RCL1: variants seen among roughly 807,000 people sequenced by gnomAD.
RCL1 encodes the protein RNA terminal phosphate cyclase like 1, also known as RNA 3'-terminal phosphate cyclase-like protein.
A neutral mutation model predicts 42.4 loss-of-function variants in RCL1; 24 were observed. The observed-to-expected ratio is 0.57, with a 90% CI of 0.41 to 0.80. The LOEUF (loss-of-function observed/expected upper bound fraction) is 0.80, where lower values mean the gene tolerates loss of function less well. Among genes scored for constraint, RCL1 ranks in the 30% least tolerant of loss-of-function variants. RCL1 has a pLI of 0.00. For missense variants in RCL1, 578 were observed against 467.9 expected, an observed-to-expected ratio of 1.24 and a Z score of -2.17; for synonymous variants, 228 against 177.3, an observed-to-expected ratio of 1.29 and a Z score of -2.27.
intron 1 of RCL1, among the ~76,000 whole-genome samples, chr9:4,807,769 T>A (rs777245584): frequency 6.6e-6 from 1 of 152,224 alleles, no homozygotes; most frequent in Non-Finnish European, 1.5e-5. Context: ...TCCGCCTGCC[T>A]GAGCCTCCCA....
At chr9:4,831,787 C>T (rs1037775665) in intron 3 of RCL1, among the ~76,000 whole-genome samples, 1 of 152,214 alleles carries the variant, frequency 6.6e-6, no homozygotes, top group Non-Finnish European at 1.5e-5. Context: ...CAGGTCATTC[C>T]TAAGTCTGGT....
At chr9:4,852,659 G>C (rs951941101) in intron 8 of RCL1, among the ~76,000 whole-genome samples, 1 of 152,224 alleles carries the variant, frequency 6.6e-6, no homozygotes, top group South Asian at 2.1e-4. Flanking sequence ...GATTAAGTCA[G>C]ATGCTTAGTG....
At chr9:4,832,546 C>G (rs1816974028) in intron 3 of RCL1, among the ~76,000 whole-genome samples, 2 of 151,966 alleles carry the variant, frequency 1.3e-5, no homozygotes, top group Non-Finnish European at 1.5e-5. Context: ...TGTGGTGGCT[C>G]ACACCTGTTA....
intron 5 of RCL1, chr9:4,836,767 A>C (rs1817150682): frequency 6.6e-6 from 1 of 152,384 alleles, no homozygotes; most frequent in South Asian, 2.1e-4. Flanking sequence ...CTTGAACAGT[A>C]AGTGGTGAAG....
intron 8 of RCL1, chr9:4,850,435 C>G: frequency 2.9e-6 from 1 of 350,690 alleles, no homozygotes; most frequent in Non-Finnish European, 6.5e-6. Context: ...TGGGCCATGG[C>G]GTTGGGGGCA....
intron 8 of RCL1, among the ~76,000 whole-genome samples, chr9:4,853,421 G>A (rs1197583308): frequency 6.6e-6 from 1 of 150,772 alleles, no homozygotes; most frequent in Non-Finnish European, 1.5e-5. Context: ...TCCCAGGTTC[G>A]TGCCATTCTC....
intron 1 of RCL1, among the ~76,000 whole-genome samples, chr9:4,802,810 T>C (rs568780273): frequency 1.6e-4 from 25 of 152,098 alleles, no homozygotes; most frequent in Admixed American, 1.6e-3. Context: ...CTACAAAAAA[T>C]GGTAAGTTTT....
intron 3 of RCL1, 185 bp downstream of exon 3, chr9:4,827,218 A>C (rs1439473689): frequency 1.3e-6 from 2 of 1,524,074 alleles, no homozygotes; most frequent in Non-Finnish European, 1.8e-6. Context: ...AGGATCATCA[A>C]ATTCAGGACT....
At chr9:4,801,563 C>T (rs7034087) in intron 1 of RCL1, among the ~76,000 whole-genome samples, 6,093 of 152,036 alleles carry the variant, frequency 0.04, 357 homozygotes, top group African/African-American at 0.13. Flanking sequence ...CCACTGTGCA[C>T]CTTGTCTTCT....
intron 1 of RCL1, among the ~76,000 whole-genome samples, chr9:4,811,265 A>AG (rs1816164470): frequency 6.7e-6 from 1 of 149,220 alleles, no homozygotes; most frequent in Non-Finnish European, 1.5e-5. Flanking sequence ...ATAGAGCAAA[A>AG]CCCTGTATCT....
chr9:4,816,943 G>T (rs1326728609), intron 1 of RCL1, among the ~76,000 whole-genome samples: 1 of 152,012 alleles, frequency 6.6e-6, no homozygotes, highest in Non-Finnish European at 1.5e-5. Flanking sequence ...CAGCCTCCCA[G>T]GTAGCTGGGA....
At chr9:4,842,773 A>G (rs295260) in intron 6 of RCL1, among the ~76,000 whole-genome samples, 130,670 of 152,126 alleles carry the variant, frequency 0.86, 56,460 homozygotes, top group East Asian at 1. Flanking sequence ...TTCTGGAGAA[A>G]GGGGATTTCC....
intron 3 of RCL1, among the ~76,000 whole-genome samples, chr9:4,832,216 G>T (rs1030363370): frequency 3.9e-5 from 6 of 152,198 alleles, no homozygotes; most frequent in Non-Finnish European, 8.8e-5. Flanking sequence ...ACAGTTACAC[G>T]TGGCAAAGTC....
At chr9:4,802,874 G>A (rs553545073) in intron 1 of RCL1, among the ~76,000 whole-genome samples, 2 of 152,312 alleles carry the variant, frequency 1.3e-5, no homozygotes, top group East Asian at 3.9e-4. Context: ...AGGCTGGGGT[G>A]CAGAGGTGCG....
At chr9:4,840,218 T>C (rs1331827588) in intron 5 of RCL1, among the ~76,000 whole-genome samples, 1 of 152,222 alleles carries the variant, frequency 6.6e-6, no homozygotes, top group East Asian at 1.9e-4. Context: ...TTAAATATGT[T>C]ATTGTCAGCA....
chr9:4,794,693 C>G (rs1051425198), intron 1 of RCL1, among the ~76,000 whole-genome samples: 2 of 150,612 alleles, frequency 1.3e-5, no homozygotes, highest in Non-Finnish European at 2.9e-5. Flanking sequence ...CCTGGGTTCT[C>G]TAAAATGAAT....
At chr9:4,854,769 T>C (rs537033172) in intron 8 of RCL1, among the ~76,000 whole-genome samples, 4 of 152,070 alleles carry the variant, frequency 2.6e-5, no homozygotes, top group South Asian at 4.2e-4. Context: ...TGAAAATACA[T>C]AGGAAGGCCG....
At chr9:4,820,611 C>A (rs141805085) in intron 1 of RCL1, among the ~76,000 whole-genome samples, 163 of 152,138 alleles carry the variant, frequency 1.1e-3, no homozygotes, top group African/African-American at 3.8e-3. Flanking sequence ...TTGTAAAAAT[C>A]TGTGGGGTTT....
intron 6 of RCL1, among the ~76,000 whole-genome samples, chr9:4,841,620 A>G (rs761579868): frequency 2.6e-5 from 4 of 152,206 alleles, no homozygotes; most frequent in African/African-American, 7.2e-5. Context: ...TTAATACACA[A>G]TGCTTTAGGC....
Sources: allele counts gnomAD v4.1 joint callset (sites outside exome capture counted in the v4.1 genomes callset), GRCh38; gene constraint gnomAD v4.1.1; transcripts MANE v1.5; gene names NCBI Gene and HGNC (gene_info 2026-07-23, HGNC 2026-07-21).